The following DDHD2 variants were observed in gnomAD, a reference collection of about 807,000 sequenced individuals.
DDHD2 encodes the protein DDHD domain containing 2.
DDHD2 carries 62 observed loss-of-function variants against 91.2 expected under a neutral mutation model. The ratio of observed to expected loss-of-function variants is 0.68; its 90% CI spans 0.55 to 0.84. The LOEUF is 0.84. DDHD2 is among the 40% of genes least tolerant of loss of function. The pLI is 0.00. For missense variants in DDHD2, 740 were observed against 846.9 expected (o/e 0.87, Z 1.57); for synonymous variants, 271 against 293.9 (o/e 0.92, Z 0.80).
intron 11 of DDHD2, chr8:38,251,702 A>C (rs1488641667): frequency 2.4e-6 from 1 of 415,320 alleles, no homozygotes; most frequent in Non-Finnish European, 4.2e-6. Context: ...AAACCAGTAG[A>C]AAACTATATA....
chr8:38,246,322 GT>G, intron 9 of DDHD2, 22 bp downstream of exon 9: 2 of 1,572,926 alleles, frequency 1.3e-6, no homozygotes, highest in Non-Finnish European at 1.7e-6. Flanking sequence ...GTTCAGCTAG[GT>G]TTTCTTGTAG....
rs1475417610 is a variant in DDHD2, at chr8:38,252,217, G to C, written c.1547G>C (p.Arg516Pro). The C allele has an allele frequency of 6.2e-7, 1 of 1,614,062 alleles. No individual in the cohort carries two copies. Among genetic ancestry groups the C allele is most frequent in the Non-Finnish European group, 8.5e-7 (1 of 1,180,016 alleles). ...CCCATTGGAATGTTCCTTACTGTCC[G>C]AGGACTAAAAAGAATTGATCCCAAC... is the stretch of plus-strand genomic sequence containing the variant. ...GSPIGMFLTVRGLKRIDPNYR... is the reference protein window; with the variant it reads ...GSPIGMFLTVPGLKRIDPNYR... Residue 516 changes from arginine to proline, a missense_variant, in exon 13 of 18, where the codon CGA (arginine) becomes CCA (proline). Coordinates refer to ENST00000397166, the MANE Select transcript of DDHD2 (RefSeq NM_015214.3).
downstream of DDHD2, chr8:38,272,435 C>T (rs765479695): frequency 6.6e-6 from 1 of 152,250 alleles, no homozygotes; most frequent in Non-Finnish European, 1.5e-5. Context: ...CTGCTTCAGC[C>T]TTCCAGGAAT....
chr8:38,253,874 G>T (rs909169180), intron 16 of DDHD2, among the ~76,000 whole-genome samples, 156 bp downstream of exon 16: 1 of 152,112 alleles, frequency 6.6e-6, no homozygotes, highest in African/African-American at 2.4e-5. Context: ...GAGTTCAGGA[G>T]TTTGAGACCG....
intron 6 of DDHD2, among the ~76,000 whole-genome samples, chr8:38,241,107 T>C (rs1805223525): frequency 1.3e-5 from 2 of 151,720 alleles, no homozygotes; most frequent in Admixed American, 1.3e-4. Flanking sequence ...AACCTGATAG[T>C]ATTCAAAGTT....
At chr8:38,268,438 C>T (rs1390165540) in intron 1 of DDHD2, 3 of 1,575,076 alleles carry the variant, frequency 1.9e-6, no homozygotes, top group Non-Finnish European at 2.6e-6. Context: ...AGATCAGAGA[C>T]AGTGGAGAGA....
At chr8:38,253,167 A>T in intron 15 of DDHD2, 40 bp downstream of exon 15, 1 of 1,559,774 alleles carries the variant, frequency 6.4e-7, no homozygotes, top group East Asian at 2.3e-5. Flanking sequence ...GCCAGATAAG[A>T]GGGATGCCAT....
chr8:38,259,633 C>G (rs933798209), intron 16 of DDHD2, among the ~76,000 whole-genome samples: 6 of 152,188 alleles, frequency 3.9e-5, no homozygotes, highest in Non-Finnish European at 7.3e-5. Flanking sequence ...ATCCACCCAC[C>G]TTGGCCTCCC....
At chr8:38,255,603 C>T (rs1806454239) in intron 16 of DDHD2, among the ~76,000 whole-genome samples, 2 of 152,052 alleles carry the variant, frequency 1.3e-5, no homozygotes. Context: ...ATTTTAAAAA[C>T]ATAAATAGTA....
At chr8:38,265,801 C>A (rs1807500475), downstream of DDHD2, among the ~76,000 whole-genome samples, 1 of 152,126 alleles carries the variant, frequency 6.6e-6, no homozygotes, top group African/African-American at 2.4e-5. Context: ...TTTATGTTTT[C>A]TTGAATTTTA....
downstream of DDHD2, chr8:38,267,032 AT>A: frequency 1.4e-5 from 19 of 1,404,502 alleles, no homozygotes; most frequent in Non-Finnish European, 1.8e-5. Flanking sequence ...ATCTAGGCAA[AT>A]AATATAACAA....
At chr8:38,255,021 A>G (rs1806400517) in intron 16 of DDHD2, among the ~76,000 whole-genome samples, 1 of 152,178 alleles carries the variant, frequency 6.6e-6, no homozygotes, top group Non-Finnish European at 1.5e-5. Flanking sequence ...AACATGGCGA[A>G]ATCCTGTCTC....
At chr8:38,235,126 A>G (rs1390548020) in intron 3 of DDHD2, among the ~76,000 whole-genome samples, 1 of 152,182 alleles carries the variant, frequency 6.6e-6, no homozygotes, top group African/African-American at 2.4e-5. Context: ...TGTGTTTCAT[A>G]ACATTATTTA....
At chr8:38,267,806 G>T, downstream of DDHD2, 1 of 1,274,124 alleles carries the variant, frequency 7.8e-7, no homozygotes, top group Non-Finnish European at 1.1e-6. Flanking sequence ...AGAAAAGAAT[G>T]AGAAAGACGT....
intron 6 of DDHD2, 196 bp from the exon 7 acceptor site, chr8:38,242,053 CA>C (rs911221102): frequency 0.038 from 14,773 of 390,346 alleles, 1 homozygote; most frequent in South Asian, 0.059. Flanking sequence ...TACTCCATCT[CA>C]AAAAAAAAAA....
rs1334551717 is a variant in DDHD2, at chr8:38,234,554, C to T, written c.381C>T (p.Pro127=). The change falls in exon 3 of 18, where the codon CCC becomes CCT. Residue 127 remains proline, a synonymous_variant. Coordinates refer to ENST00000397166, the MANE Select transcript of DDHD2 (RefSeq NM_015214.3). The part of the protein sequence containing the change: ...YKGDKDNKYV[P]YSESFSQVLE... ...GGGACAAAGACAATAAGTATGTTCC[C>T]TACTCGGAGAGCTTCAGCCAAGTTT... 2 of 1,610,018 alleles carry T rather than the reference C, an allele frequency of 1.2e-6. No individual in the cohort carries two copies. Among genetic ancestry groups the T allele is most frequent in the Non-Finnish European group, 1.7e-6 (2 of 1,179,196 alleles).
intron 16 of DDHD2, among the ~76,000 whole-genome samples, chr8:38,258,187 A>G (rs1806682032): frequency 6.6e-6 from 1 of 152,018 alleles, no homozygotes; most frequent in Non-Finnish European, 1.5e-5. Flanking sequence ...ATTCAGATTC[A>G]GGTCCTTTTT....
chr8:38,237,054 G>C (rs1271855082), intron 3 of DDHD2, among the ~76,000 whole-genome samples: 1 of 152,014 alleles, frequency 6.6e-6, no homozygotes, highest in Non-Finnish European at 1.5e-5. Context: ...CTTTGTCCTG[G>C]TGCTACTATC....
chr8:38,245,203 A>G (rs972426491), intron 7 of DDHD2, among the ~76,000 whole-genome samples: 2 of 151,796 alleles, frequency 1.3e-5, no homozygotes, highest in Non-Finnish European at 2.9e-5. Context: ...AGGCCGAGGC[A>G]GGTAGATCAT....
Sources: allele counts gnomAD v4.1 joint callset (sites outside exome capture counted in the v4.1 genomes callset), GRCh38; gene constraint gnomAD v4.1.1; transcripts MANE v1.5; gene names NCBI Gene and HGNC (gene_info 2026-07-23, HGNC 2026-07-21).